Variants in MACF1 observed in about 807,000 individuals in gnomAD.
MACF1 encodes the protein microtubule actin crosslinking factor 1.
In MACF1, 193 loss-of-function variants were observed where a neutral mutation model predicts 854.8. The ratio of observed to expected loss-of-function variants is 0.23; its 90% CI spans 0.20 to 0.25. The LOEUF (loss-of-function observed/expected upper bound fraction) is 0.25. Among genes scored for constraint, MACF1 ranks in the 10% least tolerant of loss-of-function variants. The pLI is 1.00. For missense variants in MACF1, 7,722 were observed against 8,929.1 expected (o/e 0.86, Z 5.45); for synonymous variants, 3,185 against 3,226.7 (o/e 0.99, Z 0.44).
In MACF1 at chr1:39,459,166, C is replaced by G; in HGVS notation, c.21277C>G (p.Leu7093Val). The change falls in exon 91 of 101, where the codon CTT becomes GTT. Residue 7093 changes from leucine (L) to valine (V), a missense_variant. By Grantham distance (32) the Leu-to-Val change is conservative (BLOSUM62 1). Transcript: ENST00000564288. ...SEAKNPRINQ[L>V]SARWQQVWLL... ...AGCAAAAAACCCACGGATCAACCAG[C>G]TTTCTGCCCGCTGGCAGCAGGTGTG... is the stretch of plus-strand genomic sequence containing the variant. 1 of 1,614,172 alleles carries G rather than the reference C, an allele frequency of 6.2e-7. No homozygotes were observed. The highest frequency in any genetic ancestry group is 8.5e-7 in the Non-Finnish European group (1 of 1,180,012).
intron 87 of MACF1, 77 bp from the exon 88 acceptor site, chr1:39,453,630 A>G (rs896302852): frequency 2.4e-6 from 3 of 1,263,234 alleles, no homozygotes; most frequent in Non-Finnish European, 3.4e-6. Context: ...ATTGAAATTT[A>G]TCCCCCCTCA....
At chr1:39,157,197 T>C (rs1643708885) in intron 2 of MACF1, among the ~76,000 whole-genome samples, 1 of 152,194 alleles carries the variant, frequency 6.6e-6, no homozygotes, top group Non-Finnish European at 1.5e-5. Flanking sequence ...CTCAAACTTC[T>C]GAGCTCAAGC....
At position 39,292,185 on chromosome 1, in the gene MACF1, T is replaced by C. The variant is rs1283559292; in HGVS notation, c.1914+147T>C. Reference sequence around the variant, plus strand: ...AGAGCGGTTTATGACAAATTCCCTTTTCACATGAAGTGTATCTGTTAATCT... The same window carrying C: ...AGAGCGGTTTATGACAAATTCCCTTCTCACATGAAGTGTATCTGTTAATCT... On this transcript the variant is annotated intron_variant, in intron 16 of 100. Coordinates refer to ENST00000564288, the MANE Select transcript of MACF1 (RefSeq NM_001394062.1). 4 of 904,446 alleles carry C rather than the reference T, an allele frequency of 4.4e-6. No homozygotes were observed. The East Asian group carries it at 1.0e-4, about 23-fold the overall frequency. 56.0% of individuals were successfully genotyped at this position (904,446 alleles called of 1,614,324 possible). A position where few individuals can be genotyped will look rare whatever the true frequency, so the allele number is the denominator to read the frequency against.
chr1:39,465,748 T>C (rs1167635088), intron 95 of MACF1, among the ~76,000 whole-genome samples: 1 of 152,184 alleles, frequency 6.6e-6, no homozygotes, highest in Non-Finnish European at 1.5e-5. Flanking sequence ...TGTCCTCCAA[T>C]GTGGAAGGAA....
chr1:39,414,557 T>C (rs527290332), intron 58 of MACF1: 1 of 1,575,592 alleles, frequency 6.3e-7, no homozygotes, highest in East Asian at 2.3e-5. Context: ...TGATGAGAAA[T>C]GGCACAGATA....
chr1:39,261,075 T>C lies in MACF1; in HGVS notation c.528+3047T>C, dbSNP rs1393740953. 3.3e-5 allele frequency among the ~76,000 whole-genome samples: 5 copies of C among 152,312 alleles called. No individual in the cohort carries two copies. In the East Asian group the frequency reaches 7.7e-4, roughly 24 times the overall value. The stretch of plus-strand genomic sequence containing the variant: ...TTAAGGTTCATTTGTTTTTATTTGC[T>C]TTCAGTTTTGGGGGGTTGCTTTTTT... On this transcript the variant is annotated intron_variant, in intron 6 of 100. Transcript: ENST00000564288.
chr1:39,458,771 T>C, intron 90 of MACF1: 1 of 503,404 alleles, frequency 2.0e-6, no homozygotes, highest in African/African-American at 1.9e-5. Flanking sequence ...TGTTTACATT[T>C]GGCTTGTACT....
chr1:39,331,367 C>G lies in MACF1; in HGVS notation c.4779C>G (p.Leu1593=), dbSNP rs1235786842. 4.3e-6 allele frequency: 7 copies of G among 1,613,854 alleles called. No homozygotes were observed. Among genetic ancestry groups the G allele is most frequent in the Non-Finnish European group, 5.9e-6 (7 of 1,179,998 alleles). ...GLIAPETGEN[L]SLEEGIARNL... ...TTGCCCCTGAGACGGGTGAAAACCT[C>G]TCTTTGGAGGAGGGCATAGCCAGAA... The change falls in exon 37 of 101, where the codon CTC becomes CTG. Residue 1593 remains leucine (L), a synonymous_variant. Transcript: ENST00000564288.
chr1:39,272,199 T>TCAAG (rs1396057391), intron 6 of MACF1, among the ~76,000 whole-genome samples: 1 of 152,188 alleles, frequency 6.6e-6, no homozygotes, highest in Admixed American at 6.5e-5. Context: ...AAGTAACTTA[T>TCAAG]CAAGATAAGT....
At chr1:39,467,111 A>G (rs1557669754) in intron 95 of MACF1, among the ~76,000 whole-genome samples, 1 of 152,204 alleles carries the variant, frequency 6.6e-6, no homozygotes, top group Non-Finnish European at 1.5e-5. Flanking sequence ...TTATGCCTGT[A>G]ATCCCAGCAC....
At chr1:39,117,054 A>G (rs1412962799) in intron 2 of MACF1, among the ~76,000 whole-genome samples, 3 of 152,104 alleles carry the variant, frequency 2.0e-5, no homozygotes, top group African/African-American at 7.2e-5. Context: ...CTTCTTGTTT[A>G]TTTTGGCAGG....
Position 39,334,256 on chromosome 1 carries a change from C to T in MACF1, c.7668C>T (p.Ser2556=), listed in dbSNP as rs185769372. 52 of 1,613,878 alleles carry T rather than the reference C, an allele frequency of 3.2e-5. 1 individual carries two copies. In the Admixed American group the frequency reaches 7.2e-4, roughly 22 times the overall value. The stretch of plus-strand genomic sequence containing the variant: ...ATCCTGAAACGAAGGAAAATATTTC[C>T]CTCCCTAAAGCCATAAAATTAGATC... ...IFNPETKENI[S]LPKAIKLDLI... The change falls in exon 37 of 101, where the codon TCC becomes TCT. Residue 2556 remains serine (S), a synonymous_variant. Coordinates refer to ENST00000564288, the MANE Select transcript of MACF1 (RefSeq NM_001394062.1).
chr1:39,172,430 C>T (rs560650749), intron 2 of MACF1, among the ~76,000 whole-genome samples: 45 of 152,278 alleles, frequency 3.0e-4, no homozygotes, highest in African/African-American at 1.0e-3. Flanking sequence ...TAAACAGTGC[C>T]TTTCACTCCC....
At chr1:39,223,431 G>A (rs1283793607) in intron 1 of MACF1, among the ~76,000 whole-genome samples, 2 of 150,480 alleles carry the variant, frequency 1.3e-5, no homozygotes, top group East Asian at 1.9e-4. Flanking sequence ...TATTTTTCTG[G>A]CTAACTTACA....
At chr1:39,169,668 A>G (rs1352660096) in intron 2 of MACF1, among the ~76,000 whole-genome samples, 1 of 150,070 alleles carries the variant, frequency 6.7e-6, no homozygotes, top group South Asian at 2.1e-4. Flanking sequence ...GGCTTATCTC[A>G]CTTATTTTCC....
Position 39,360,841 on chromosome 1 carries a change from G to T in MACF1, c.12293G>T (p.Arg4098Leu), listed in dbSNP as rs201574478. 1.2e-6 allele frequency: 2 copies of T among 1,613,926 alleles called. No individual in the cohort carries two copies. The highest frequency in any genetic ancestry group is 1.7e-6 in the Non-Finnish European group (2 of 1,179,982). Residue 4098 changes from arginine (R) to leucine (L), a missense_variant, in exon 48 of 101, where the codon CGA becomes CTA. Physicochemically the swap from Arg to Leu is moderately radical, Grantham distance 102. This residue lies in a region of MACF1 where 2,807 missense variants were observed against 3,235.8 expected (regional missense o/e 0.87). Coordinates refer to ENST00000564288, the MANE Select transcript of MACF1 (RefSeq NM_001394062.1). ...AGCCTCTCCTATAGCCTGGCTGAGC[G>T]ATCTTCTCTGCTGCAGAAAGCAATT... ...FQSLSYSLAE[R>L]SSLLQKAIAQ...
intron 18 of MACF1, 89 bp downstream of exon 18, chr1:39,293,708 G>A: frequency 7.8e-7 from 1 of 1,277,042 alleles, no homozygotes; most frequent in Non-Finnish European, 1.1e-6. Context: ...TTGGGTGGCT[G>A]GAGTTGCACT....
At chr1:39,135,246 TTTAA>T (rs1430542548) in intron 2 of MACF1, among the ~76,000 whole-genome samples, 2 of 152,172 alleles carry the variant, frequency 1.3e-5, no homozygotes, top group African/African-American at 4.8e-5. Context: ...TGACATCTTA[TTTAA>T]TTAATTAATT....
intron 91 of MACF1, chr1:39,459,932 A>ACCAAGGG: frequency 1.1e-6 from 1 of 911,662 alleles, no homozygotes; most frequent in Non-Finnish European, 1.6e-6. Flanking sequence ...CTAACTTTGG[A>ACCAAGGG]GTTTGAAAGA....
Sources: allele counts gnomAD v4.1 joint callset (sites outside exome capture counted in the v4.1 genomes callset), GRCh38; gene constraint gnomAD v4.1.1; regional missense constraint gnomAD v4.1.1; transcripts MANE v1.5; gene names NCBI Gene and HGNC (gene_info 2026-07-23, HGNC 2026-07-21).